Variants in AUH observed in about 807,000 individuals in gnomAD.
AUH encodes the protein AU RNA binding methylglutaconyl-CoA hydratase.
A neutral mutation model predicts 42.3 loss-of-function variants in AUH; 29 were observed. That is an observed-to-expected ratio of 0.69 (90% CI 0.51 to 0.93). The LOEUF is 0.93. AUH is among the 40% of genes least tolerant of loss of function. AUH has a pLI of 0.00. For synonymous variants in AUH, 174 were observed against 166.4 expected, an observed-to-expected ratio of 1.05 and a Z score of -0.35; for missense variants, 452 against 438.1, an observed-to-expected ratio of 1.03 and a Z score of -0.28.
chr9:91,356,327 G>C (rs1050279862), intron 1 of AUH, among the ~76,000 whole-genome samples, 172 bp from the exon 2 acceptor site: 2 of 152,050 alleles, frequency 1.3e-5, no homozygotes, highest in African/African-American at 4.8e-5. Context: ...GCAACATTTT[G>C]GTAAATTTTA....
chr9:91,216,149 C>G, intron 8 of AUH, 43 bp from the exon 9 acceptor site: 2 of 1,566,234 alleles, frequency 1.3e-6, no homozygotes, highest in Non-Finnish European at 1.8e-6. Context: ...AATAACTTTG[C>G]GAAATGTGGT....
chr9:91,296,185 A>G (rs1001386586), intron 5 of AUH, 108 bp from the exon 6 acceptor site: 8 of 1,078,266 alleles, frequency 7.4e-6, no homozygotes, highest in Admixed American at 2.0e-5. Context: ...AATTAAATTG[A>G]TATCACAAAT....
chr9:91,238,337 G>A (rs1167572610), intron 6 of AUH, among the ~76,000 whole-genome samples: 8 of 152,208 alleles, frequency 5.3e-5, no homozygotes, highest in Non-Finnish European at 1.0e-4. Context: ...AGGGGGAATG[G>A]GAAGGGAGTG....
intron 6 of AUH, among the ~76,000 whole-genome samples, chr9:91,295,464 C>T (rs542110864): frequency 6.6e-6 from 1 of 152,136 alleles, no homozygotes; most frequent in African/African-American, 2.4e-5. Flanking sequence ...GAGTAAAATG[C>T]TATCAAACAG....
chr9:91,247,917 C>A (rs1828888151), intron 6 of AUH, among the ~76,000 whole-genome samples: 2 of 152,150 alleles, frequency 1.3e-5, no homozygotes, highest in Admixed American at 6.5e-5. Context: ...GGATACAAGT[C>A]CTTTATCAAA....
chr9:91,327,707 C>T (rs1363040091), intron 3 of AUH, among the ~76,000 whole-genome samples: 1 of 152,236 alleles, frequency 6.6e-6, no homozygotes, highest in African/African-American at 2.4e-5. Flanking sequence ...CGCCAAGCTG[C>T]GTGCAACGGG....
intron 6 of AUH, among the ~76,000 whole-genome samples, chr9:91,241,924 T>G (rs1828542893): frequency 6.6e-6 from 1 of 152,256 alleles, no homozygotes; most frequent in African/African-American, 2.4e-5. Flanking sequence ...TCTAATGATT[T>G]AAATAATAGT....
At chr9:91,242,646 T>C (rs150168448) in intron 6 of AUH, among the ~76,000 whole-genome samples, 112 of 152,326 alleles carry the variant, frequency 7.4e-4, no homozygotes, top group Non-Finnish European at 1.2e-3. Flanking sequence ...TTAACTGTAA[T>C]AACTGTAACA....
chr9:91,345,314 A>G (rs10991895), intron 3 of AUH, among the ~76,000 whole-genome samples: 12,406 of 152,236 alleles, frequency 0.081, 829 homozygotes, highest in East Asian at 0.26. Flanking sequence ...TCTACAAAAA[A>G]GAGTCCTAGA....
intron 6 of AUH, among the ~76,000 whole-genome samples, chr9:91,230,446 T>C (rs1287816114): frequency 6.6e-6 from 1 of 150,852 alleles, no homozygotes; most frequent in African/African-American, 2.4e-5. Context: ...ATTCTAGTTA[T>C]ACATTCTTCT....
intron 3 of AUH, among the ~76,000 whole-genome samples, chr9:91,332,416 C>T: frequency 6.6e-6 from 1 of 152,148 alleles, no homozygotes. Flanking sequence ...GCAGGAAAAT[C>T]ACTTGAATCC....
At chr9:91,295,230 T>C (rs569125768) in intron 6 of AUH, among the ~76,000 whole-genome samples, 1 of 152,284 alleles carries the variant, frequency 6.6e-6, no homozygotes, top group South Asian at 2.1e-4. Flanking sequence ...TAAACCTCTT[T>C]CCTTTATAAA....
chr9:91,271,117 T>C (rs183668271), intron 6 of AUH, among the ~76,000 whole-genome samples: 10 of 152,312 alleles, frequency 6.6e-5, no homozygotes, highest in Admixed American at 5.9e-4. Context: ...TGTTACAAAT[T>C]TGGAAATATC....
At chr9:91,275,350 T>G (rs866561310) in intron 6 of AUH, among the ~76,000 whole-genome samples, 1 of 152,324 alleles carries the variant, frequency 6.6e-6, no homozygotes, top group East Asian at 1.9e-4. Context: ...TTTGAAACAC[T>G]GATGTGATAC....
chr9:91,294,750 T>C (rs770422143), intron 6 of AUH: 1 of 455,864 alleles, frequency 2.2e-6, no homozygotes, highest in South Asian at 1.5e-5. Flanking sequence ...ATGATTCCAA[T>C]CTTCATGGAT....
chr9:91,300,327 C>A (rs894374988), intron 4 of AUH, among the ~76,000 whole-genome samples: 1 of 152,186 alleles, frequency 6.6e-6, no homozygotes. Flanking sequence ...GTTGGACATA[C>A]CCACTTAAAT....
chr9:91,325,630 T>G (rs1400997104), intron 3 of AUH, among the ~76,000 whole-genome samples: 1 of 152,188 alleles, frequency 6.6e-6, no homozygotes, highest in Non-Finnish European at 1.5e-5. Context: ...CTTCTCCAGC[T>G]TTCCAGTCTC....
intron 6 of AUH, among the ~76,000 whole-genome samples, chr9:91,240,698 C>T (rs1019577620): frequency 7.9e-4 from 120 of 151,584 alleles, no homozygotes; most frequent in African/African-American, 2.7e-3. Context: ...TAAATCATTG[C>T]ATGTGGTTAG....
intron 6 of AUH, among the ~76,000 whole-genome samples, chr9:91,240,471 T>G (rs555902558): frequency 2.0e-5 from 3 of 152,188 alleles, no homozygotes; most frequent in African/African-American, 7.2e-5. Flanking sequence ...AACAGAGCAA[T>G]GGAAGGAATG....
Sources: gnomAD v4.1 joint callset for allele counts (sites outside exome capture counted in the v4.1 genomes callset) on GRCh38, gnomAD v4.1.1 for gene constraint, MANE v1.5 for transcripts, NCBI Gene and HGNC (gene_info 2026-07-23, HGNC 2026-07-21) for gene names.